TMEM161B: variants seen among roughly 807,000 people sequenced by gnomAD.
TMEM161B encodes the protein transmembrane protein 161B.
TMEM161B carries 34 observed loss-of-function variants against 61.8 expected under a neutral mutation model. That is an observed-to-expected ratio of 0.55 (90% confidence interval 0.42 to 0.73). TMEM161B has a LOEUF of 0.73. Among genes scored for constraint, TMEM161B ranks in the 30% least tolerant of loss-of-function variants. TMEM161B has a pLI of 0.00. For synonymous variants in TMEM161B, 167 were observed against 192.8 expected (o/e 0.87, Z 1.11); for missense variants, 456 against 558.5 (o/e 0.82, Z 1.85).
intron 3 of TMEM161B, among the ~76,000 whole-genome samples, chr5:88,226,466 T>A (rs1181053519): frequency 6.6e-6 from 1 of 152,206 alleles, no homozygotes; most frequent in African/African-American, 2.4e-5. Flanking sequence ...TTTCAATTTA[T>A]TACTTTATGT....
At chr5:88,219,502 G>A (rs1373293771) in intron 5 of TMEM161B, among the ~76,000 whole-genome samples, 2 of 152,006 alleles carry the variant, frequency 1.3e-5, no homozygotes, top group African/African-American at 4.8e-5. Context: ...ATATCTCCCA[G>A]TAGTAAAAGA....
intron 2 of TMEM161B, among the ~76,000 whole-genome samples, chr5:88,238,560 T>C (rs1452762925): frequency 6.6e-6 from 1 of 152,058 alleles, no homozygotes; most frequent in Non-Finnish European, 1.5e-5. Flanking sequence ...AAAAAATTCA[T>C]GATCCTCTCC....
chr5:88,229,854 G>A (rs1354790884), intron 2 of TMEM161B, among the ~76,000 whole-genome samples: 1 of 151,524 alleles, frequency 6.6e-6, no homozygotes, highest in Non-Finnish European at 1.5e-5. Context: ...CCAAAATGCT[G>A]GGATTATAAG....
intron 1 of TMEM161B, among the ~76,000 whole-genome samples, chr5:88,253,128 A>G (rs183778232): frequency 1.3e-5 from 2 of 152,230 alleles, no homozygotes; most frequent in African/African-American, 4.8e-5. Flanking sequence ...AGCTATTTTT[A>G]TTGATACACT....
chr5:88,238,773 C>A (rs1752268783), intron 2 of TMEM161B, among the ~76,000 whole-genome samples: 1 of 151,400 alleles, frequency 6.6e-6, no homozygotes, highest in Admixed American at 6.6e-5. Context: ...AATAATTATG[C>A]CAAAAGGATA....
chr5:88,248,797 T>C (rs1753953095), intron 1 of TMEM161B, among the ~76,000 whole-genome samples: 1 of 151,892 alleles, frequency 6.6e-6, no homozygotes, highest in Non-Finnish European at 1.5e-5. Flanking sequence ...TTTAAATATA[T>C]GTATAGCTTA....
At chr5:88,216,657 T>C (rs1460802197) in intron 5 of TMEM161B, among the ~76,000 whole-genome samples, 1 of 152,224 alleles carries the variant, frequency 6.6e-6, no homozygotes, top group Non-Finnish European at 1.5e-5. Context: ...GGAAAGGTAG[T>C]ACCTGGTGAT....
At chr5:88,208,201 T>C (rs1745918059) in intron 5 of TMEM161B, among the ~76,000 whole-genome samples, 1 of 151,174 alleles carries the variant, frequency 6.6e-6, no homozygotes. Context: ...AATACAAAAA[T>C]TGCCGGGCGT....
chr5:88,211,248 T>C (rs1746676694), intron 5 of TMEM161B, among the ~76,000 whole-genome samples: 1 of 151,858 alleles, frequency 6.6e-6, no homozygotes, highest in Non-Finnish European at 1.5e-5. Flanking sequence ...TATATAACTA[T>C]ACATACAGAA....
intron 8 of TMEM161B, among the ~76,000 whole-genome samples, chr5:88,205,324 A>T (rs1028638889): frequency 6.6e-6 from 1 of 152,180 alleles, no homozygotes; most frequent in African/African-American, 2.4e-5. Flanking sequence ...TATTATTTTA[A>T]TAAGAGTCTA....
rs541283884 is a variant in TMEM161B, at chr5:88,243,265, AGT to A, written c.4-2351_4-2350del. 1.2e-3 allele frequency among the ~76,000 whole-genome samples: 186 copies of A among 151,634 alleles called. 1 individual carries two copies. The highest frequency in any genetic ancestry group is 8.9e-3 in the South Asian group (43 of 4,820). On this transcript the variant is annotated intron_variant, in intron 1 of 11. Coordinates refer to ENST00000296595, the MANE Select transcript of TMEM161B (RefSeq NM_153354.5). ...TACCTTCCATCCTCAAGTAGGCCCT[AGT>A]GTATGTTGTTCCCTTCTTTGTGTTA...
chr5:88,239,006 T>C (rs1218712499), intron 2 of TMEM161B, among the ~76,000 whole-genome samples: 1 of 151,974 alleles, frequency 6.6e-6, no homozygotes. Context: ...GTTAATCCAT[T>C]TACAAAAGCA....
At chr5:88,194,247 T>A (rs1390582551), downstream of TMEM161B, among the ~76,000 whole-genome samples, 1 of 152,174 alleles carries the variant, frequency 6.6e-6, no homozygotes, top group African/African-American at 2.4e-5. Context: ...ATCTGGTATT[T>A]CATTTTCTGT....
intron 3 of TMEM161B, among the ~76,000 whole-genome samples, chr5:88,226,816 G>A (rs1750128341): frequency 6.6e-6 from 1 of 152,050 alleles, no homozygotes; most frequent in Non-Finnish European, 1.5e-5. Flanking sequence ...TCATTACAAG[G>A]CATTATAATA....
chr5:88,209,802 G>T (rs1476551893), intron 5 of TMEM161B, among the ~76,000 whole-genome samples: 3 of 152,106 alleles, frequency 2.0e-5, no homozygotes, highest in Admixed American at 6.5e-5. Context: ...TCAGAATAGT[G>T]TACTTGCCAT....
intron 5 of TMEM161B, among the ~76,000 whole-genome samples, chr5:88,212,110 A>T (rs1272549805): frequency 6.6e-6 from 1 of 152,222 alleles, no homozygotes; most frequent in Non-Finnish European, 1.5e-5. Flanking sequence ...CACCATGATA[A>T]GTAATTCTTA....
At position 88,211,149 on chromosome 5, in the gene TMEM161B, A is replaced by T. The variant is rs191081498; in HGVS notation, c.447-3969T>A. On this transcript the variant is annotated intron_variant, in intron 5 of 11. Coordinates refer to ENST00000296595, the MANE Select transcript of TMEM161B (RefSeq NM_153354.5). ...AAGATGTATTAGAGTATCACATCTT[A>T]TAAAAAAAATACGAGCTAAAATCTG... is the stretch of plus-strand genomic sequence containing the variant. 5.1e-4 allele frequency among the ~76,000 whole-genome samples: 78 copies of T among 152,234 alleles called. No homozygotes were observed. The Middle Eastern group carries it at 0.027, about 53-fold the overall frequency.
chr5:88,186,385 C>T (rs1229745920), downstream of TMEM161B, among the ~76,000 whole-genome samples: 1 of 152,122 alleles, frequency 6.6e-6, no homozygotes, highest in African/African-American at 2.4e-5. Flanking sequence ...AAACATAAAA[C>T]AATACCAAGG....
chr5:88,209,726 T>C (rs765041529), intron 5 of TMEM161B, among the ~76,000 whole-genome samples: 4 of 152,184 alleles, frequency 2.6e-5, no homozygotes, highest in Non-Finnish European at 4.4e-5. Context: ...CCGTATGTAA[T>C]ACTATGATCT....
Sources: allele counts gnomAD v4.1 joint callset (sites outside exome capture counted in the v4.1 genomes callset), GRCh38; gene constraint gnomAD v4.1.1; transcripts MANE v1.5; gene names NCBI Gene and HGNC (gene_info 2026-07-23, HGNC 2026-07-21).